The following PTPRB variants were observed in gnomAD, a reference collection of about 807,000 sequenced individuals.
PTPRB encodes the protein receptor-type tyrosine-protein phosphatase beta.
In PTPRB, 97 loss-of-function variants were observed where a neutral mutation model predicts 238.1. The observed-to-expected ratio is 0.41, with a 90% CI of 0.35 to 0.48. The LOEUF (loss-of-function observed/expected upper bound fraction) is 0.48, where lower values mean the gene tolerates loss of function less well. Ranked by LOEUF, PTPRB falls within the 20% of genes least tolerant of loss-of-function variation. PTPRB has a pLI of 0.30. For missense variants in PTPRB, 2,292 were observed against 2,681.9 expected (o/e 0.85, Z 3.21); for synonymous variants, 970 against 995.4 (o/e 0.97, Z 0.48).
Position 70,590,047 on chromosome 12 carries a change from A to G in PTPRB, c.1967T>C (p.Leu656Pro). The G allele has an allele frequency of 6.2e-7, 1 of 1,613,992 alleles. No homozygotes were observed. ...CACCTCATACTGTCTTCCCGGTACG[A>G]GCCCCGTGTCATCCATGACATACTG... is the stretch of plus-strand genomic sequence containing the variant. ...ETQYVMDDTG[L>P]VPGRQYEVEV... The change falls in exon 8 of 34, where the codon CTC (leucine) becomes CCC (proline). Residue 656 changes from leucine (L) to proline (P), a missense_variant. Around this residue, in one of 4 missense-constraint regions of PTPRB, gnomAD observed 1,205 missense variants for 1,287.8 expected, o/e 0.94. Coordinates refer to ENST00000334414, the MANE Select transcript of PTPRB (RefSeq NM_001109754.4).
chr12:70,557,007 G>C (rs1048950795), intron 18 of PTPRB, among the ~76,000 whole-genome samples: 1 of 152,200 alleles, frequency 6.6e-6, no homozygotes, highest in African/African-American at 2.4e-5. Context: ...AGGTAGAAAG[G>C]AAAACATACC....
chr12:70,604,190 G>A (rs560110590), intron 4 of PTPRB, among the ~76,000 whole-genome samples: 1 of 152,070 alleles, frequency 6.6e-6, no homozygotes, highest in Non-Finnish European at 1.5e-5. Flanking sequence ...GCAGTGAGCT[G>A]TGATTGTGCC....
At chr12:70,524,064 C>T (rs1039765728) in intron 33 of PTPRB, among the ~76,000 whole-genome samples, 2 of 151,992 alleles carry the variant, frequency 1.3e-5, no homozygotes, top group African/African-American at 4.8e-5. Flanking sequence ...TCCCAAAGTG[C>T]TGGTATTACA....
At chr12:70,559,310 T>G (rs1241724839) in intron 18 of PTPRB, 33 bp downstream of exon 18, 1 of 1,569,240 alleles carries the variant, frequency 6.4e-7, no homozygotes, top group Non-Finnish European at 8.8e-7. Flanking sequence ...CTCTACTCCA[T>G]TTGAGAAATA....
At position 70,592,289 on chromosome 12, in the gene PTPRB, G is replaced by T; in HGVS notation, c.1773C>A (p.Gly591=). 6.2e-7 allele frequency: 1 copy of T among 1,613,970 alleles called. No individual in the cohort carries two copies. The highest frequency in any genetic ancestry group is 8.5e-7 in the Non-Finnish European group (1 of 1,179,890). ...GELSAQKMAV[G]RTFPDKVANL... is the part of the protein sequence containing the mutation. ...CTGGAGCCCAAGACTCACATGTTCT[G>T]CCCACTGCCATCTTCTGAGCAGACA... is the stretch of plus-strand genomic sequence containing the variant. Residue 591 remains glycine, a synonymous_variant, in exon 7 of 34, where the codon GGC becomes GGA. Transcript: ENST00000334414.
intron 3 of PTPRB, among the ~76,000 whole-genome samples, chr12:70,618,259 C>G (rs1024563716): frequency 1.2e-4 from 18 of 152,124 alleles, no homozygotes; most frequent in Non-Finnish European, 1.2e-4. Flanking sequence ...ACCACCATAT[C>G]TGGGTAATTT....
intron 2 of PTPRB, among the ~76,000 whole-genome samples, chr12:70,635,290 A>C (rs1267478103): frequency 6.6e-6 from 1 of 152,130 alleles, no homozygotes; most frequent in East Asian, 1.9e-4. Flanking sequence ...AAATCTAATA[A>C]TTTTCCGATT....
intron 11 of PTPRB, among the ~76,000 whole-genome samples, chr12:70,573,490 TTTTTCTTTTC>T (rs200710957): frequency 6.9e-6 from 1 of 144,708 alleles, no homozygotes; most frequent in Admixed American, 6.9e-5. Flanking sequence ...CATGGTTTCT[TTTTTCTTTTC>T]TTTTCTTTTT....
chr12:70,600,222 C>T (rs893830050), intron 4 of PTPRB, among the ~76,000 whole-genome samples: 35 of 152,078 alleles, frequency 2.3e-4, no homozygotes, highest in Admixed American at 2.2e-3. Context: ...CTTAAAGGCA[C>T]GACAGCACCA....
In PTPRB at chr12:70,592,532, G is replaced by C. The variant is rs756928354; in HGVS notation, c.1530C>G (p.Val510=). The C allele has an allele frequency of 5.6e-6, 9 of 1,613,598 alleles. No homozygotes were observed. The highest frequency in any genetic ancestry group is 1.3e-5 in the African/African-American group (1 of 74,962). ...CATCATTTGTCACCTTCAGATTTGA[G>C]ACTTCCATGGGGGCTAATCAGGAAA... The part of the protein sequence containing the change: ...WKLVRTAPME[V]SNLKVTNDGS... The change falls in exon 7 of 34, where the codon GTC becomes GTG. Residue 510 remains valine (V), a synonymous_variant. Coordinates refer to ENST00000334414, the MANE Select transcript of PTPRB (RefSeq NM_001109754.4).
chr12:70,559,345 G>A lies in PTPRB; in HGVS notation c.4712C>T (p.Thr1571Ile). 6.2e-7 allele frequency: 1 copy of A among 1,608,788 alleles called. No individual in the cohort carries two copies. Among genetic ancestry groups the A allele is most frequent in the South Asian group, 1.1e-5 (1 of 90,958 alleles). Residue 1571 changes from threonine (T) to isoleucine (I), a missense_variant and splice_region_variant, in exon 18 of 34, where the codon ACA (threonine) becomes ATA (isoleucine). Thr to Ile is a moderately conservative substitution (Grantham distance 89, BLOSUM62 -1). This residue lies in a region of PTPRB where 683 missense variants were observed against 862.0 expected (regional missense o/e 0.79). Coordinates refer to ENST00000334414, the MANE Select transcript of PTPRB (RefSeq NM_001109754.4). Reference sequence around the variant, plus strand: ...AAGAGTAGCAAAACATGTCATACTTGTCCTCACAGATCCAAAAATTGGTTT... The same window carrying A: ...AAGAGTAGCAAAACATGTCATACTTATCCTCACAGATCCAAAAATTGGTTT... ...YSKPIFGSVR[T>I]KPDKIQNLHC... is the part of the protein sequence containing the mutation.
At chr12:70,526,258 A>C (rs1256751265) in intron 32 of PTPRB, among the ~76,000 whole-genome samples, 1 of 152,204 alleles carries the variant, frequency 6.6e-6, no homozygotes, top group Admixed American at 6.5e-5. Context: ...GCTGGAGTAC[A>C]GTGACACAAT....
At chr12:70,594,316 T>C (rs1882784661) in intron 6 of PTPRB, 151 bp downstream of exon 6, 1 of 1,137,862 alleles carries the variant, frequency 8.8e-7, no homozygotes, top group Non-Finnish European at 1.2e-6. Flanking sequence ...GAATCCTTCT[T>C]TTTCTGAGTA....
intron 32 of PTPRB, among the ~76,000 whole-genome samples, chr12:70,529,005 C>T (rs566415342): frequency 5.3e-4 from 80 of 151,522 alleles, no homozygotes; most frequent in Admixed American, 1.5e-3. Flanking sequence ...TACATGTATG[C>T]GGAGGCAGGA....
At chr12:70,574,504 GCAAAGCAACTA>G (rs1264714198) in intron 11 of PTPRB, among the ~76,000 whole-genome samples, 2 of 152,194 alleles carry the variant, frequency 1.3e-5, no homozygotes, top group Non-Finnish European at 2.9e-5. Flanking sequence ...TTTGCTAAAG[GCAAAGCAACTA>G]TTACAGGAAG....
At chr12:70,605,218 A>G (rs1269738637) in intron 4 of PTPRB, among the ~76,000 whole-genome samples, 4 of 152,100 alleles carry the variant, frequency 2.6e-5, no homozygotes, top group Admixed American at 6.5e-5. Context: ...TACCACTACA[A>G]CTCTTCCCTG....
chr12:70,622,152 ACAGTTATTC>A (rs1395961898), intron 3 of PTPRB, among the ~76,000 whole-genome samples: 1 of 152,206 alleles, frequency 6.6e-6, no homozygotes, highest in East Asian at 1.9e-4. Flanking sequence ...TGGCCAACAT[ACAGTTATTC>A]CATGGCAGCC....
rs1193251620 is a variant in PTPRB at position 70,575,815 on chromosome 12, G to A, written c.2842+567C>T. Among the ~76,000 whole-genome samples the A allele has an allele frequency of 2.0e-5, 3 of 152,180 alleles. No individual in the cohort carries two copies. In the East Asian group the frequency reaches 5.8e-4, roughly 29 times the overall value. ...ACTGAACATTCATTTCCTTTGCTAA[G>A]ATTTTTGCTCCCTAGTCCCAGAACC... On this transcript the variant is annotated intron_variant, in intron 11 of 33. Transcript: ENST00000334414.
At chr12:70,631,935 T>C (rs922731516) in intron 2 of PTPRB, among the ~76,000 whole-genome samples, 2 of 152,148 alleles carry the variant, frequency 1.3e-5, no homozygotes, top group African/African-American at 2.4e-5. Flanking sequence ...AAACAACAGA[T>C]GCTGGAGAGG....
Sources: allele counts gnomAD v4.1 joint callset (sites outside exome capture counted in the v4.1 genomes callset), GRCh38; gene constraint gnomAD v4.1.1; regional missense constraint gnomAD v4.1.1; transcripts MANE v1.5; gene names NCBI Gene and HGNC (gene_info 2026-07-23, HGNC 2026-07-21).